SRBD1: variants seen among roughly 807,000 people sequenced by gnomAD.
The protein encoded by SRBD1 is S1 RNA binding domain 1.
SRBD1 carries 88 observed loss-of-function variants against 115.3 expected under a neutral mutation model. The observed-to-expected ratio is 0.76, with a 90% CI of 0.64 to 0.91. The LOEUF (loss-of-function observed/expected upper bound fraction) is 0.91, where lower values mean the gene tolerates loss of function less well. Ranked by LOEUF, SRBD1 falls within the 40% of genes least tolerant of loss-of-function variation. SRBD1 has a pLI of 0.00. For synonymous variants in SRBD1, 509 were observed against 407.7 expected, an observed-to-expected ratio of 1.25 and a Z score of -2.99; for missense variants, 1,385 against 1,177.4, an observed-to-expected ratio of 1.18 and a Z score of -2.58.
intron 16 of SRBD1, among the ~76,000 whole-genome samples, chr2:45,439,122 T>A (rs1400086458): frequency 6.6e-6 from 1 of 151,870 alleles, no homozygotes. Flanking sequence ...CCACAACCAC[T>A]TGTCAACCTC....
intron 16 of SRBD1, among the ~76,000 whole-genome samples, chr2:45,448,353 G>T (rs1380283627): frequency 6.6e-6 from 1 of 152,036 alleles, no homozygotes; most frequent in Non-Finnish European, 1.5e-5. Context: ...CTACAAAAAG[G>T]CTCAACAAAA....
At chr2:45,435,336 T>C (rs965999442) in intron 16 of SRBD1, among the ~76,000 whole-genome samples, 7 of 152,024 alleles carry the variant, frequency 4.6e-5, no homozygotes. Context: ...CTTTCTAGAC[T>C]GTGGCACCAG....
intron 16 of SRBD1, among the ~76,000 whole-genome samples, chr2:45,434,476 AT>A (rs1043378851): frequency 2.0e-5 from 3 of 151,596 alleles, no homozygotes; most frequent in Admixed American, 1.3e-4. Flanking sequence ...TTGGCAAACA[AT>A]TTTTTTTTGC....
chr2:45,445,433 A>G (rs1668791195), intron 16 of SRBD1, among the ~76,000 whole-genome samples: 1 of 151,878 alleles, frequency 6.6e-6, no homozygotes, highest in African/African-American at 2.4e-5. Context: ...ACATGGGGGC[A>G]CAGATCAGAA....
intron 14 of SRBD1, among the ~76,000 whole-genome samples, chr2:45,514,871 A>G (rs1044698365): frequency 1.3e-5 from 2 of 152,192 alleles, no homozygotes; most frequent in African/African-American, 4.8e-5. Flanking sequence ...AATGGCACTA[A>G]CAATTTTCAA....
chr2:45,596,392 T>A (rs1252695972), intron 4 of SRBD1, among the ~76,000 whole-genome samples: 1 of 152,168 alleles, frequency 6.6e-6, no homozygotes, highest in Non-Finnish European at 1.5e-5. Flanking sequence ...TAACCAAACA[T>A]TAAAAGTCTA....
In SRBD1 at chr2:45,451,319, A is replaced by T. The variant is rs371987428; in HGVS notation, c.2049+25674T>A. Among the ~76,000 whole-genome samples the T allele has an allele frequency of 1.2e-4, 19 of 152,194 alleles. No individual in the cohort carries two copies. The East Asian group carries it at 3.3e-3, about 26-fold the overall frequency. ...ATAGATGATGGTATCCCCTAACTTT[A>T]CGGGGGTGAAATTATTGAACATATG... On this transcript the variant is annotated intron_variant, in intron 16 of 20. Coordinates refer to ENST00000263736, the MANE Select transcript of SRBD1 (RefSeq NM_018079.5).
At chr2:45,545,528 T>C (rs1304956061) in intron 14 of SRBD1, among the ~76,000 whole-genome samples, 1 of 151,160 alleles carries the variant, frequency 6.6e-6, no homozygotes, top group Non-Finnish European at 1.5e-5. Flanking sequence ...GTGAACAAGT[T>C]AAAAAAAAAT....
At chr2:45,513,297 T>G (rs1671025265) in intron 14 of SRBD1, among the ~76,000 whole-genome samples, 1 of 152,232 alleles carries the variant, frequency 6.6e-6, no homozygotes, top group South Asian at 2.1e-4. Flanking sequence ...TCTGCTGAGA[T>G]TTCAGGCTCA....
At chr2:45,538,473 C>T (rs1671834202) in intron 14 of SRBD1, among the ~76,000 whole-genome samples, 1 of 152,246 alleles carries the variant, frequency 6.6e-6, no homozygotes, top group Non-Finnish European at 1.5e-5. Flanking sequence ...AGTGAAGTAG[C>T]ATCTTCCAGA....
intron 18 of SRBD1, among the ~76,000 whole-genome samples, chr2:45,416,713 A>G (rs1343272627): frequency 6.6e-6 from 1 of 152,170 alleles, no homozygotes; most frequent in Non-Finnish European, 1.5e-5. Flanking sequence ...TTTTCAAGTG[A>G]GACTTGAGAG....
At chr2:45,583,315 T>C (rs894682635) in intron 5 of SRBD1, among the ~76,000 whole-genome samples, 1 of 152,202 alleles carries the variant, frequency 6.6e-6, no homozygotes, top group Non-Finnish European at 1.5e-5. Flanking sequence ...ATGTCTTCTA[T>C]AGTCATGGTA....
intron 3 of SRBD1, among the ~76,000 whole-genome samples, chr2:45,601,052 A>C (rs1191854354): frequency 6.6e-6 from 1 of 152,152 alleles, no homozygotes; most frequent in African/African-American, 2.4e-5. Context: ...CCCAGGCCTA[A>C]AAGAGTTGAT....
At chr2:45,484,205 G>A (rs1450667054) in intron 15 of SRBD1, among the ~76,000 whole-genome samples, 1 of 151,970 alleles carries the variant, frequency 6.6e-6, no homozygotes, top group Non-Finnish European at 1.5e-5. Context: ...TGTCCACCAG[G>A]GGCAGGATGC....
Position 45,426,400 on chromosome 2 carries a change from G to A in SRBD1, c.2050-6506C>T, listed in dbSNP as rs768745748. Among the ~76,000 whole-genome samples, 30 of 152,306 alleles carry A rather than the reference G, an allele frequency of 2.0e-4. 1 individual carries two copies. The South Asian group carries it at 3.1e-3, about 16-fold the overall frequency. ...ATCTCCCTGGGACAGAGCACCTGGC[G>A]GAAGGCGTGGCTGTGGGCGCAGCTT... On this transcript the variant is annotated intron_variant, in intron 16 of 20. Coordinates refer to ENST00000263736, the MANE Select transcript of SRBD1 (RefSeq NM_018079.5).
chr2:45,486,302 G>A (rs1670117073), intron 15 of SRBD1, among the ~76,000 whole-genome samples: 3 of 152,140 alleles, frequency 2.0e-5, no homozygotes, highest in Non-Finnish European at 2.9e-5. Context: ...CTTCTCAATA[G>A]CAACTTGAGA....
intron 9 of SRBD1, among the ~76,000 whole-genome samples, chr2:45,566,707 C>T (rs1672840782): frequency 6.6e-6 from 1 of 152,144 alleles, no homozygotes; most frequent in Admixed American, 6.6e-5. Context: ...TTAAAACACT[C>T]TTTTCTTAAA....
intron 18 of SRBD1, among the ~76,000 whole-genome samples, chr2:45,414,713 T>TGTATATACACACACACAGTGTGTATATA (rs1667730819): frequency 7.3e-6 from 1 of 137,908 alleles, no homozygotes; most frequent in East Asian, 2.0e-4. Flanking sequence ...GTATATAGTA[T>TGTATATACACACACACAGTGTGTATATA]GTATATACAC....
intron 15 of SRBD1, among the ~76,000 whole-genome samples, chr2:45,487,977 A>G (rs1051251623): frequency 6.6e-6 from 1 of 152,154 alleles, no homozygotes; most frequent in Non-Finnish European, 1.5e-5. Flanking sequence ...TGAACTCTCT[A>G]GCATTTAATT....
Sources: gnomAD v4.1 joint callset for allele counts (sites outside exome capture counted in the v4.1 genomes callset) on GRCh38, gnomAD v4.1.1 for gene constraint, MANE v1.5 for transcripts, NCBI Gene and HGNC (gene_info 2026-07-23, HGNC 2026-07-21) for gene names.